Variants in SLC25A21 observed in about 807,000 individuals in gnomAD.
SLC25A21 encodes solute carrier family 25 member 21.
In SLC25A21, 47 loss-of-function variants were observed where a neutral mutation model predicts 43.8. That is an observed-to-expected ratio of 1.07 (90% CI 0.85 to 1.37). The LOEUF is 1.37. SLC25A21 is among the 40% of genes most tolerant of loss of function. SLC25A21 has a pLI of 0.00. For missense variants in SLC25A21, 352 were observed against 350.2 expected, an observed-to-expected ratio of 1.00 and a Z score of -0.04; for synonymous variants, 131 against 121.3, an observed-to-expected ratio of 1.08 and a Z score of -0.52.
intron 1 of SLC25A21, among the ~76,000 whole-genome samples, chr14:37,096,478 T>A (rs1962696747): frequency 6.6e-6 from 1 of 152,230 alleles, no homozygotes; most frequent in Non-Finnish European, 1.5e-5. Context: ...TTTTCCTACA[T>A]CCTCTTTAAG....
At position 36,678,609 on chromosome 14, in the gene SLC25A21, A is replaced by G; in HGVS notation, c.*2049T>C. The G allele has an allele frequency of 3.7e-6, 5 of 1,364,194 alleles. No homozygotes were observed. The highest frequency in any genetic ancestry group is 4.7e-6 in the Non-Finnish European group (5 of 1,056,118). The allele number at this position is 1,364,194 out of a possible 1,614,324, so 84.5% of individuals were successfully genotyped here. On this transcript the variant is annotated 3_prime_UTR_variant, in exon 10 of 10. Transcript: ENST00000331299. ...CATCTGAAAAACTGATGTAAGGTAC[A>G]GAACTATTCTTTATCAAATGTTTTT...
At chr14:37,159,525 A>G (rs1350434557) in intron 1 of SLC25A21, among the ~76,000 whole-genome samples, 1 of 152,154 alleles carries the variant, frequency 6.6e-6, no homozygotes, top group Non-Finnish European at 1.5e-5. Flanking sequence ...GGATAACCAC[A>G]TGCAGAAGAA....
chr14:36,797,511 C>G (rs1309505436), intron 3 of SLC25A21, among the ~76,000 whole-genome samples: 1 of 152,154 alleles, frequency 6.6e-6, no homozygotes, highest in East Asian at 1.9e-4. Flanking sequence ...CTACATGAAA[C>G]AGCAGAAAAA....
intron 2 of SLC25A21, among the ~76,000 whole-genome samples, chr14:36,850,921 G>C (rs1341529413): frequency 6.6e-6 from 1 of 152,190 alleles, no homozygotes; most frequent in Non-Finnish European, 1.5e-5. Context: ...TGGCAACAGA[G>C]AGTCCTTTCT....
intron 1 of SLC25A21, among the ~76,000 whole-genome samples, chr14:36,920,675 G>C (rs933446519): frequency 6.6e-6 from 1 of 151,160 alleles, no homozygotes; most frequent in African/African-American, 2.5e-5. Context: ...TTGCAATTTG[G>C]GTTTCAAAGA....
intron 1 of SLC25A21, among the ~76,000 whole-genome samples, chr14:37,100,695 G>A (rs1227489563): frequency 6.6e-6 from 1 of 152,184 alleles, no homozygotes; most frequent in Non-Finnish European, 1.5e-5. Flanking sequence ...TATCCTCTTG[G>A]AAGGACAGAT....
At position 37,133,435 on chromosome 14, in the gene SLC25A21, C is replaced by G. The variant is rs533638495; in HGVS notation, c.70+38846G>C. On this transcript the variant is annotated intron_variant, in intron 1 of 9. Coordinates refer to ENST00000331299, the MANE Select transcript of SLC25A21 (RefSeq NM_030631.4). ...AATCTACCACCAAATCCATGTGATT[C>G]TCCTTCAAATACAGTCCTCCTTCTC... Among the ~76,000 whole-genome samples the G allele has an allele frequency of 5.5e-4, 83 of 152,042 alleles. 1 individual carries two copies. In the South Asian group the frequency reaches 0.014, roughly 26 times the overall value.
intron 2 of SLC25A21, among the ~76,000 whole-genome samples, chr14:36,873,489 T>G (rs1890433810): frequency 6.6e-6 from 1 of 151,944 alleles, no homozygotes; most frequent in Non-Finnish European, 1.5e-5. Flanking sequence ...AGAGACGGGG[T>G]TTCACCATGT....
intron 3 of SLC25A21, among the ~76,000 whole-genome samples, chr14:36,786,628 G>C (rs1887260120): frequency 6.6e-6 from 1 of 152,134 alleles, no homozygotes; most frequent in Non-Finnish European, 1.5e-5. Flanking sequence ...CTCTTCCTTT[G>C]AGTCCTGAAA....
At chr14:36,903,505 C>T (rs1172903038) in intron 1 of SLC25A21, among the ~76,000 whole-genome samples, 3 of 147,040 alleles carry the variant, frequency 2.0e-5, no homozygotes, top group Non-Finnish European at 3.0e-5. Context: ...CCCAGCTACT[C>T]GGGAGGCTGA....
chr14:36,879,229 A>G (rs980578874), intron 1 of SLC25A21, among the ~76,000 whole-genome samples: 1 of 152,204 alleles, frequency 6.6e-6, no homozygotes, highest in African/African-American at 2.4e-5. Flanking sequence ...GAAAATAATT[A>G]GAAAAACATA....
chr14:37,030,303 G>A (rs954682780), intron 1 of SLC25A21, among the ~76,000 whole-genome samples: 44 of 152,190 alleles, frequency 2.9e-4, no homozygotes, highest in African/African-American at 9.6e-4. Flanking sequence ...CTCTGGGGTG[G>A]CAGGAGGCAG....
intron 3 of SLC25A21, among the ~76,000 whole-genome samples, chr14:36,737,603 A>G (rs1885097882): frequency 6.6e-6 from 1 of 152,184 alleles, no homozygotes; most frequent in Admixed American, 6.5e-5. Flanking sequence ...CATGCAATAG[A>G]GGACTGTGGA....
intron 1 of SLC25A21, among the ~76,000 whole-genome samples, chr14:37,132,855 C>T (rs983520708): frequency 2.0e-5 from 3 of 151,874 alleles, no homozygotes; most frequent in Admixed American, 6.6e-5. Context: ...TTCAGCCTCC[C>T]GACTAACTGG....
Position 36,851,560 on chromosome 14 carries a change from A to C in SLC25A21, c.119+23396T>G, listed in dbSNP as rs1342467972. ...ATAACATAATATGCTTGGTAACAAAATGTTATATCCAGGTGTTGGGAGAAT... is the reference window on the plus strand; with the variant it reads ...ATAACATAATATGCTTGGTAACAAACTGTTATATCCAGGTGTTGGGAGAAT... On this transcript the variant is annotated intron_variant, in intron 2 of 9. Coordinates refer to ENST00000331299, the MANE Select transcript of SLC25A21 (RefSeq NM_030631.4). 2.0e-5 allele frequency among the ~76,000 whole-genome samples: 3 copies of C among 152,332 alleles called. No homozygotes were observed. In the East Asian group the frequency reaches 5.8e-4, roughly 29 times the overall value.
At chr14:36,714,424 C>T (rs1884031872) in intron 6 of SLC25A21, among the ~76,000 whole-genome samples, 1 of 152,198 alleles carries the variant, frequency 6.6e-6, no homozygotes, top group Non-Finnish European at 1.5e-5. Flanking sequence ...GTTCCAGGTA[C>T]AGTGCCTCAC....
Position 37,126,035 on chromosome 14 carries a change from T to A in SLC25A21, c.70+46246A>T, listed in dbSNP as rs188159794. ...GTCCCAAAGTCTTTCATCACACCTCTTTTTATCCTACACACAATTCAGGTT... is the reference window on the plus strand; with the variant it reads ...GTCCCAAAGTCTTTCATCACACCTCATTTTATCCTACACACAATTCAGGTT... On this transcript the variant is annotated intron_variant, in intron 1 of 9. Transcript: ENST00000331299. Among the ~76,000 whole-genome samples the A allele has an allele frequency of 6.3e-3, 960 of 152,338 alleles. 3 individuals carry two copies. Among genetic ancestry groups the A allele is most frequent in the Non-Finnish European group, 0.011 (758 of 68,032 alleles).
intron 1 of SLC25A21, among the ~76,000 whole-genome samples, chr14:37,104,949 A>AAT (rs901306202): frequency 6.6e-6 from 1 of 152,154 alleles, no homozygotes; most frequent in Non-Finnish European, 1.5e-5. Context: ...ATTTATTCTC[A>AAT]ATATATATAT....
chr14:36,918,104 C>T (rs17105693), intron 1 of SLC25A21, among the ~76,000 whole-genome samples: 1,714 of 152,252 alleles, frequency 0.011, 32 homozygotes, highest in African/African-American at 0.039. Flanking sequence ...GATGAATGCT[C>T]TCTAAAAAGG....
Sources: allele counts gnomAD v4.1 joint callset (sites outside exome capture counted in the v4.1 genomes callset), GRCh38; gene constraint gnomAD v4.1.1; transcripts MANE v1.5; gene names NCBI Gene and HGNC (gene_info 2026-07-23, HGNC 2026-07-21).